MAPK10: variants seen among roughly 807,000 people sequenced by gnomAD.
The protein encoded by MAPK10 is mitogen-activated protein kinase 10.
MAPK10 carries 25 observed loss-of-function variants against 59.3 expected under a neutral mutation model. The observed-to-expected ratio is 0.42, with a 90% CI of 0.31 to 0.59. The LOEUF is 0.59. MAPK10 is among the 20% of genes least tolerant of loss of function. MAPK10 has a pLI of 0.15. For missense variants in MAPK10, 351 were observed against 568.9 expected (o/e 0.62, Z 3.90); for synonymous variants, 190 against 200.5 (o/e 0.95, Z 0.44).
chr4:86,290,384 A>G lies in MAPK10; in HGVS notation c.-7+64146T>C, dbSNP rs546408738. 1.2e-4 allele frequency among the ~76,000 whole-genome samples: 18 copies of G among 152,314 alleles called. No homozygotes were observed. The South Asian group carries it at 3.7e-3, about 32-fold the overall frequency. Reference sequence around the variant, plus strand: ...CAGGAATGCTGTTCCAGATGTCCACATAGATGGCAACCTCTCTTTCTTCAG... The same window carrying G: ...CAGGAATGCTGTTCCAGATGTCCACGTAGATGGCAACCTCTCTTTCTTCAG... On this transcript the variant is annotated intron_variant, in intron 2 of 13. Coordinates refer to ENST00000641462, the MANE Select transcript of MAPK10 (RefSeq NM_138982.4).
intron 1 of MAPK10, among the ~76,000 whole-genome samples, chr4:86,426,084 G>A (rs1747246567): frequency 6.6e-6 from 1 of 152,004 alleles, no homozygotes; most frequent in African/African-American, 2.4e-5. Context: ...TTAGTATTTT[G>A]GCCTCTCGCT....
At chr4:86,115,256 G>A (rs542210622) in intron 4 of MAPK10, among the ~76,000 whole-genome samples, 9 of 152,266 alleles carry the variant, frequency 5.9e-5, no homozygotes, top group Admixed American at 1.3e-4. Context: ...GCGGGGCAGC[G>A]CAGTCACTCA....
chr4:86,175,204 TG>T lies in MAPK10; in HGVS notation c.67-15738del, dbSNP rs145411758. ...TAATAAGGAAAGTAAAAATTTCATTTGGGAATCGAAATGGTTAAAATGAATT... is the reference window on the plus strand; with the variant it reads ...TAATAAGGAAAGTAAAAATTTCATTTGGAATCGAAATGGTTAAAATGAATT... On this transcript the variant is annotated intron_variant, in intron 3 of 13. Transcript: ENST00000641462. 7.5e-3 allele frequency among the ~76,000 whole-genome samples: 1,136 copies of T among 152,264 alleles called. 14 individuals are homozygous for T. The highest frequency in any genetic ancestry group is 0.026 in the African/African-American group (1,075 of 41,556).
intron 1 of MAPK10, among the ~76,000 whole-genome samples, chr4:86,473,504 T>C (rs1039414756): frequency 4.6e-5 from 7 of 152,214 alleles, no homozygotes; most frequent in African/African-American, 1.4e-4. Flanking sequence ...AGTCCAAGAA[T>C]TGGAAAGAGA....
At chr4:86,574,093 C>T (rs954407201) in intron 1 of MAPK10, among the ~76,000 whole-genome samples, 13 of 151,936 alleles carry the variant, frequency 8.6e-5, no homozygotes, top group Admixed American at 6.6e-4. Context: ...GTGTGATGTT[C>T]CCCTTCCTGT....
rs10525325 is a variant in MAPK10, at chr4:86,165,543, A to ATTTTTTTTT, written c.67-6085_67-6077dup. Among the ~76,000 whole-genome samples the ATTTTTTTTT allele has an allele frequency of 7.0e-5, 4 of 57,296 alleles. 1 individual carries two copies. Among genetic ancestry groups the ATTTTTTTTT allele is most frequent in the Non-Finnish European group, 1.5e-4 (4 of 27,266 alleles). The allele number at this position is 57,296 out of a possible 152,430, so 37.6% of individuals were successfully genotyped here. On this transcript the variant is annotated intron_variant, in intron 3 of 13. Coordinates refer to ENST00000641462, the MANE Select transcript of MAPK10 (RefSeq NM_138982.4). ...AGGCACATGCCACCACTCCCAGATA[A>ATTTTTTTTT]TTTTTTTTTTTTTTTTTTTTTTTTT...
intron 4 of MAPK10, among the ~76,000 whole-genome samples, chr4:86,156,488 A>T (rs934717681): frequency 2.6e-5 from 4 of 152,068 alleles, no homozygotes; most frequent in African/African-American, 9.7e-5. Flanking sequence ...GACAGAAATA[A>T]TATGGCTTCA....
intron 2 of MAPK10, among the ~76,000 whole-genome samples, chr4:86,302,953 C>T (rs1209800605): frequency 6.6e-6 from 1 of 152,170 alleles, no homozygotes; most frequent in Non-Finnish European, 1.5e-5. Context: ...CCCATCCTCA[C>T]TCATAGCAAA....
At chr4:86,310,741 T>C (rs2095652038) in intron 2 of MAPK10, among the ~76,000 whole-genome samples, 1 of 152,202 alleles carries the variant, frequency 6.6e-6, no homozygotes, top group African/African-American at 2.4e-5. Context: ...CTATTTATGA[T>C]GGCTTGCTCT....
intron 1 of MAPK10, among the ~76,000 whole-genome samples, chr4:86,548,391 A>C (rs1385183614): frequency 6.6e-6 from 1 of 152,198 alleles, no homozygotes; most frequent in African/African-American, 2.4e-5. Context: ...ACGAGGGTCC[A>C]CAGCTTCATT....
chr4:86,434,644 C>T (rs1320164118), intron 1 of MAPK10, among the ~76,000 whole-genome samples: 2 of 152,158 alleles, frequency 1.3e-5, no homozygotes, highest in Admixed American at 6.5e-5. Context: ...CAGGCAATAA[C>T]AGTTGCTGGC....
intron 1 of MAPK10, among the ~76,000 whole-genome samples, chr4:86,513,577 C>T (rs775405754): frequency 2.3e-4 from 35 of 152,246 alleles, no homozygotes; most frequent in Admixed American, 6.5e-4. Context: ...AAGGAGAAAA[C>T]AGGCCACATG....
intron 9 of MAPK10, chr4:86,082,264 AT>A (rs1248558669): frequency 6.6e-6 from 1 of 152,168 alleles, no homozygotes; most frequent in Non-Finnish European, 1.5e-5. Context: ...GTAATGGTCT[AT>A]TTTTTAACCT....
intron 2 of MAPK10, among the ~76,000 whole-genome samples, chr4:86,345,274 C>T (rs1312089622): frequency 6.6e-6 from 1 of 152,122 alleles, no homozygotes; most frequent in African/African-American, 2.4e-5. Context: ...GATGAGACCG[C>T]TTAGGTATCA....
chr4:86,318,441 T>C (rs569108234), intron 2 of MAPK10, among the ~76,000 whole-genome samples: 3 of 152,244 alleles, frequency 2.0e-5, no homozygotes, highest in Non-Finnish European at 2.9e-5. Flanking sequence ...AGTTCAAAAT[T>C]ATAAAAAATT....
intron 2 of MAPK10, among the ~76,000 whole-genome samples, chr4:86,289,596 T>C (rs1249406566): frequency 6.7e-6 from 1 of 150,004 alleles, no homozygotes; most frequent in Non-Finnish European, 1.5e-5. Flanking sequence ...TAGCATTATG[T>C]TATATAATAA....
intron 2 of MAPK10, among the ~76,000 whole-genome samples, chr4:86,232,652 C>T (rs1391623494): frequency 6.7e-6 from 1 of 149,420 alleles, no homozygotes; most frequent in Admixed American, 6.6e-5. Flanking sequence ...GGATTACAGG[C>T]GTGAGCCACC....
At chr4:86,527,313 A>AG in intron 1 of MAPK10, among the ~76,000 whole-genome samples, 1 of 97,862 alleles carries the variant, frequency 1.0e-5, no homozygotes, top group African/African-American at 5.9e-5. Flanking sequence ...CACTGTTGCC[A>AG]AAAAAAAAAA....
intron 4 of MAPK10, among the ~76,000 whole-genome samples, chr4:86,131,433 T>C (rs1042098699): frequency 1.5e-4 from 23 of 152,156 alleles, no homozygotes; most frequent in Non-Finnish European, 2.4e-4. Flanking sequence ...AATCTATCAG[T>C]TCTGAAAAGC....
Sources: gnomAD v4.1 joint callset for allele counts (sites outside exome capture counted in the v4.1 genomes callset) on GRCh38, gnomAD v4.1.1 for gene constraint, MANE v1.5 for transcripts, NCBI Gene and HGNC (gene_info 2026-07-23, HGNC 2026-07-21) for gene names.